ADCY2: variants seen among roughly 807,000 people sequenced by gnomAD.
ADCY2 encodes adenylate cyclase 2, also known as adenylate cyclase type 2.
A neutral mutation model predicts 125.2 loss-of-function variants in ADCY2; 31 were observed. That is an observed-to-expected ratio of 0.25 (90% CI 0.19 to 0.33). The LOEUF (loss-of-function observed/expected upper bound fraction) is 0.33, where lower values mean the gene tolerates loss of function less well. Among genes scored for constraint, ADCY2 ranks in the 10% least tolerant of loss-of-function variants. The probability of loss-of-function intolerance (pLI) is 1.00; values close to 1 mark genes in which losing one functional copy is unlikely to be tolerated. For missense variants in ADCY2, 904 were observed against 1,418.2 expected, an observed-to-expected ratio of 0.64 and a Z score of 5.82; for synonymous variants, 512 against 548.4, an observed-to-expected ratio of 0.93 and a Z score of 0.93.
Position 7,637,378 on chromosome 5 carries a change from C to T in ADCY2, c.720+11062C>T, listed in dbSNP as rs540182024. On this transcript the variant is annotated intron_variant, in intron 4 of 24. Coordinates refer to ENST00000338316, the MANE Select transcript of ADCY2 (RefSeq NM_020546.3). ...TCAGGAGGCGGAGGTTGCAGTGAGC[C>T]GAGATATCACAACACTGCACTACAG... 3.7e-4 allele frequency among the ~76,000 whole-genome samples: 53 copies of T among 142,064 alleles called. 1 individual carries two copies. In the South Asian group the frequency reaches 6.3e-3, roughly 17 times the overall value. 93.2% of individuals were successfully genotyped at this position (142,064 alleles called of 152,430 possible). A position where few individuals can be genotyped will look rare whatever the true frequency, so the allele number is the denominator to read the frequency against.
At chr5:7,448,171 G>A (rs1042976319) in intron 2 of ADCY2, among the ~76,000 whole-genome samples, 3 of 152,186 alleles carry the variant, frequency 2.0e-5, no homozygotes, top group African/African-American at 4.8e-5. Context: ...GGGTCTTTCT[G>A]GTTATTGCTT....
intron 2 of ADCY2, among the ~76,000 whole-genome samples, chr5:7,499,648 GATATATATATATATATATAT>G (rs70940741): frequency 0.1 from 12,164 of 118,424 alleles, 789 homozygotes; most frequent in Non-Finnish European, 0.15. Flanking sequence ...TATGTGGGTG[GATATATATATATATATATAT>G]ATATATATAT....
At chr5:7,485,276 A>G (rs1230961314) in intron 2 of ADCY2, among the ~76,000 whole-genome samples, 2 of 152,254 alleles carry the variant, frequency 1.3e-5, no homozygotes, top group South Asian at 2.1e-4. Context: ...TCAATTGGAA[A>G]AAGTATATGA....
chr5:7,762,418 A>G (rs1579405185), intron 16 of ADCY2, among the ~76,000 whole-genome samples: 1 of 152,152 alleles, frequency 6.6e-6, no homozygotes, highest in African/African-American at 2.4e-5. Context: ...CTGAGCTCTG[A>G]CTGTGTGAGG....
intron 7 of ADCY2, among the ~76,000 whole-genome samples, chr5:7,699,134 G>A (rs1017648053): frequency 1.8e-5 from 2 of 109,044 alleles, no homozygotes; most frequent in African/African-American, 7.2e-5. Flanking sequence ...GTCTCGCTCT[G>A]TCGCCCAGGC....
Position 7,723,920 on chromosome 5 carries a change from CAAAAAAAAAAAA to C in ADCY2, c.1704-612_1704-601del, listed in dbSNP as rs70940756. On this transcript the variant is annotated intron_variant, in intron 12 of 24. Coordinates refer to ENST00000338316, the MANE Select transcript of ADCY2 (RefSeq NM_020546.3). ...TGGGTGACAGAGTGAGACTCAGTCT[CAAAAAAAAAAAA>C]AAAAAAAAAAAAGAGAAAAGAAAAA... 4.8e-4 allele frequency among the ~76,000 whole-genome samples: 26 copies of C among 53,724 alleles called. 2 individuals carry two copies. Among genetic ancestry groups the C allele is most frequent in the Middle Eastern group, 0.013 (1 of 76 alleles). The allele number at this position is 53,724 out of a possible 152,430, so 35.2% of individuals were successfully genotyped here.
intron 3 of ADCY2, 22 bp from the exon 4 acceptor site, chr5:7,626,145 G>A (rs781401279): frequency 1.2e-6 from 2 of 1,606,036 alleles, no homozygotes; most frequent in Non-Finnish European, 1.7e-6. Context: ...ACCCTATTGA[G>A]CAGCTCTTTC....
chr5:7,772,726 C>T (rs1290803653), intron 17 of ADCY2, among the ~76,000 whole-genome samples: 1 of 130,910 alleles, frequency 7.6e-6, no homozygotes, highest in Non-Finnish European at 1.6e-5. Context: ...AAGGTTGAGT[C>T]GGAAAGCTTT....
chr5:7,657,997 A>T (rs1739396801), intron 4 of ADCY2: 1 of 152,270 alleles, frequency 6.6e-6, no homozygotes, highest in African/African-American at 2.4e-5. Context: ...CCAGACCCCC[A>T]GGTGCAGTGA....
chr5:7,666,490 G>C (rs971085776), intron 4 of ADCY2, among the ~76,000 whole-genome samples: 5 of 151,892 alleles, frequency 3.3e-5, no homozygotes, highest in East Asian at 1.9e-4. Context: ...GGATGGTCTC[G>C]ATCTCCGGAC....
chr5:7,741,591 C>CATAACCATCCCT (rs1742410036), intron 14 of ADCY2, among the ~76,000 whole-genome samples: 2 of 121,950 alleles, frequency 1.6e-5, no homozygotes, highest in African/African-American at 3.1e-5. Flanking sequence ...TCCCTATCAC[C>CATAACCATCCCT]ATCACCATCA....
chr5:7,626,362 A>T lies in ADCY2; in HGVS notation c.720+46A>T, dbSNP rs746942457. 5.0e-6 allele frequency: 8 copies of T among 1,592,482 alleles called. No individual in the cohort carries two copies. The South Asian group carries it at 9.0e-5, about 18-fold the overall frequency. On this transcript the variant is annotated intron_variant, in intron 4 of 24. Transcript: ENST00000338316. ...CATCCACATTATTTTAGTCATTATT[A>T]AAATGATGCTGTTACTATTAATGTT... is the stretch of plus-strand genomic sequence containing the variant.
chr5:7,727,246 T>G lies in ADCY2; in HGVS notation c.1856T>G (p.Ile619Ser). The G allele has an allele frequency of 6.2e-7, 1 of 1,614,022 alleles. No individual in the cohort carries two copies. ...LIFFCIFIVQILVLPKTSVLG... is the reference protein window; with the variant it reads ...LIFFCIFIVQSLVLPKTSVLG... Reference sequence around the variant, plus strand: ...TTCTTCTGCATCTTCATTGTGCAGATTCTCGTGCTGCCAAAGTAAGTACTT... The same window carrying G: ...TTCTTCTGCATCTTCATTGTGCAGAGTCTCGTGCTGCCAAAGTAAGTACTT... The change falls in exon 14 of 25, where the codon ATT becomes AGT. Residue 619 changes from isoleucine (I) to serine (S), a missense_variant. Transcript: ENST00000338316.
chr5:7,413,036 G>A lies in ADCY2; in HGVS notation c.211-1537G>A, dbSNP rs115106407. ...ATAATTGTGGGAGAGAAAGGGAAAC[G>A]ATGTCAGTTAAGAGGGCTTGGATTC... On this transcript the variant is annotated intron_variant, in intron 1 of 24. Transcript: ENST00000338316. Among the ~76,000 whole-genome samples, 1,178 of 152,340 alleles carry A rather than the reference G, an allele frequency of 7.7e-3. 20 individuals carry two copies. Among genetic ancestry groups the A allele is most frequent in the African/African-American group, 0.027 (1,112 of 41,568 alleles).
Position 7,508,809 on chromosome 5 carries a change from C to T in ADCY2, c.409-11929C>T, listed in dbSNP as rs553848591. 4.6e-5 allele frequency among the ~76,000 whole-genome samples: 7 copies of T among 152,248 alleles called. No individual in the cohort carries two copies. In the East Asian group the frequency reaches 5.8e-4, roughly 13 times the overall value. ...ATGCAAGGAAGGGGCATTGTGTTTTCGTCCTCATGTTGGCCAAGAAAACCC... is the reference window on the plus strand; with the variant it reads ...ATGCAAGGAAGGGGCATTGTGTTTTTGTCCTCATGTTGGCCAAGAAAACCC... On this transcript the variant is annotated intron_variant, in intron 2 of 24. Coordinates refer to ENST00000338316, the MANE Select transcript of ADCY2 (RefSeq NM_020546.3).
intron 16 of ADCY2, among the ~76,000 whole-genome samples, chr5:7,758,834 G>A (rs1743100587): frequency 6.6e-6 from 1 of 152,168 alleles, no homozygotes; most frequent in South Asian, 2.1e-4. Flanking sequence ...AAGGGGAGAA[G>A]GTGGGATGTT....
intron 20 of ADCY2, among the ~76,000 whole-genome samples, chr5:7,793,001 C>T (rs1028827394): frequency 2.6e-5 from 4 of 152,174 alleles, no homozygotes; most frequent in Non-Finnish European, 4.4e-5. Flanking sequence ...CAGCAAAGTG[C>T]GGGTCTTGGC....
At chr5:7,409,613 C>T (rs552381438) in intron 1 of ADCY2, among the ~76,000 whole-genome samples, 1 of 152,268 alleles carries the variant, frequency 6.6e-6, no homozygotes, top group Admixed American at 6.5e-5. Context: ...TCCACATGCA[C>T]TTCAGAAGAA....
At chr5:7,758,350 CCTT>C (rs1743084985) in intron 16 of ADCY2, among the ~76,000 whole-genome samples, 1 of 152,112 alleles carries the variant, frequency 6.6e-6, no homozygotes, top group African/African-American at 2.4e-5. Flanking sequence ...TGAGACACGT[CCTT>C]ATTGTTCTCA....
Sources: allele counts gnomAD v4.1 joint callset (sites outside exome capture counted in the v4.1 genomes callset), GRCh38; gene constraint gnomAD v4.1.1; transcripts MANE v1.5; gene names NCBI Gene and HGNC (gene_info 2026-07-23, HGNC 2026-07-21).